The following PTPN3 variants were observed in gnomAD, a reference collection of about 807,000 sequenced individuals.
PTPN3 encodes tyrosine-protein phosphatase non-receptor type 3.
Under a neutral mutation model 132.7 loss-of-function variants are expected in PTPN3, and 96 were observed. That is an observed-to-expected ratio of 0.72 (90% CI 0.61 to 0.86). PTPN3 has a LOEUF of 0.86. Among genes scored for constraint, PTPN3 ranks in the 40% least tolerant of loss-of-function variants. The pLI is 0.00. For missense variants in PTPN3, 1,125 were observed against 1,159.6 expected, an observed-to-expected ratio of 0.97 and a Z score of 0.43; for synonymous variants, 398 against 429.0, an observed-to-expected ratio of 0.93 and a Z score of 0.89.
At chr9:109,407,684 A>C (rs968839401) in intron 17 of PTPN3, among the ~76,000 whole-genome samples, 3 of 152,090 alleles carry the variant, frequency 2.0e-5, no homozygotes, top group African/African-American at 7.2e-5. Context: ...AGCTGGGATC[A>C]CACCTGTGTG....
the PTPN3 span, among the ~76,000 whole-genome samples, chr9:109,514,604 A>T: frequency 2.0e-5 from 3 of 152,234 alleles, no homozygotes; most frequent in Non-Finnish European, 4.4e-5. Flanking sequence ...TGCTTCTAAG[A>T]TGACCAGGTA....
rs1385949319 is a variant in PTPN3 at position 109,383,566 on chromosome 9, C to T, written c.2254-15G>A. ...TGACATTTGGTCTGTAAGAAACCACCGAGAGTGAGTGAGCCCCGTCTGTGG... is the reference window on the plus strand; with the variant it reads ...TGACATTTGGTCTGTAAGAAACCACTGAGAGTGAGTGAGCCCCGTCTGTGG... On this transcript the variant is annotated splice_polypyrimidine_tract_variant and intron_variant, in intron 22 of 25. Coordinates refer to ENST00000374541, the MANE Select transcript of PTPN3 (RefSeq NM_002829.4). 1.7e-5 allele frequency: 28 copies of T among 1,612,272 alleles called. No individual in the cohort carries two copies. Among genetic ancestry groups the T allele is most frequent in the Admixed American group, 6.7e-5 (4 of 59,866 alleles).
chr9:109,523,431 C>T, the PTPN3 span, among the ~76,000 whole-genome samples: 1 of 152,138 alleles, frequency 6.6e-6, no homozygotes, highest in Non-Finnish European at 1.5e-5. Context: ...TTTTTTTAAA[C>T]AGTCAGATTA....
At chr9:109,387,067 G>C (rs1419444069) in intron 22 of PTPN3, among the ~76,000 whole-genome samples, 1 of 152,190 alleles carries the variant, frequency 6.6e-6, no homozygotes, top group East Asian at 1.9e-4. Flanking sequence ...CGGGTGACTG[G>C]GCAGATGGGT....
At chr9:109,421,475 A>G (rs917242848) in intron 13 of PTPN3, among the ~76,000 whole-genome samples, 24 of 152,346 alleles carry the variant, frequency 1.6e-4, no homozygotes, top group African/African-American at 5.8e-4. Flanking sequence ...AGCAGAAGTA[A>G]AAAGGCTCTT....
intron 18 of PTPN3, among the ~76,000 whole-genome samples, chr9:109,405,746 T>G (rs1386909310): frequency 6.6e-6 from 1 of 152,226 alleles, no homozygotes; most frequent in East Asian, 1.9e-4. Flanking sequence ...CATGGCACCA[T>G]GCCTGGCTAT....
intron 22 of PTPN3, among the ~76,000 whole-genome samples, chr9:109,386,159 G>A (rs1377808872): frequency 2.0e-5 from 3 of 152,188 alleles, no homozygotes; most frequent in Non-Finnish European, 4.4e-5. Context: ...AGATGAGATA[G>A]GAACTTAGGG....
intron 19 of PTPN3, among the ~76,000 whole-genome samples, chr9:109,398,219 GC>G (rs142177990): frequency 0.014 from 2,057 of 152,304 alleles, 30 homozygotes; most frequent in African/African-American, 0.046. Context: ...GGAGGCAGAG[GC>G]TGCAGTGAGC....
Position 109,422,787 on chromosome 9 carries a change from C to T in PTPN3, c.1067G>A (p.Arg356Lys). The T allele has an allele frequency of 6.2e-7, 1 of 1,611,508 alleles. No homozygotes were observed. The highest frequency in any genetic ancestry group is 8.5e-7 in the Non-Finnish European group (1 of 1,177,816). Residue 356 changes from arginine to lysine, a missense_variant, in exon 13 of 26, where the codon AGA (arginine) becomes AAA (lysine). Transcript: ENST00000374541. Reference sequence around the variant, plus strand: ...TTCTAAGTGCTCCACTGATAAGGATCTCCGCATGGCTGGGTTCCACACCAT... The same window carrying T: ...TTCTAAGTGCTCCACTGATAAGGATTTCCGCATGGCTGGGTTCCACACCAT... ...GGMVWNPAMR[R>K]SLSVEHLETK...
chr9:109,425,190 GAT>G (rs1456522263), intron 12 of PTPN3, among the ~76,000 whole-genome samples: 2 of 152,216 alleles, frequency 1.3e-5, no homozygotes, highest in African/African-American at 4.8e-5. Context: ...GAAGCTGAGA[GAT>G]AGCATTTAGC....
intron 2 of PTPN3, among the ~76,000 whole-genome samples, chr9:109,462,030 C>T (rs1845866661): frequency 6.6e-6 from 1 of 152,206 alleles, no homozygotes; most frequent in Non-Finnish European, 1.5e-5. Context: ...CTTGTTACAA[C>T]AATGTTTCCC....
intron 18 of PTPN3, among the ~76,000 whole-genome samples, chr9:109,406,109 TAAG>T (rs1841540661): frequency 2.6e-5 from 4 of 152,138 alleles, no homozygotes; most frequent in Non-Finnish European, 5.9e-5. Flanking sequence ...CCAGATCCTT[TAAG>T]AAGGGGCTGA....
intron 14 of PTPN3, among the ~76,000 whole-genome samples, chr9:109,417,100 G>A (rs1261159555): frequency 6.6e-6 from 1 of 152,224 alleles, no homozygotes; most frequent in Non-Finnish European, 1.5e-5. Context: ...TTCGGAAGCA[G>A]GGAAAGGAAC....
intron 14 of PTPN3, chr9:109,417,867 A>C: frequency 1.3e-5 from 11 of 843,510 alleles, no homozygotes; most frequent in Non-Finnish European, 1.6e-5. Flanking sequence ...AAAGAGCCCC[A>C]AGATGACACA....
intron 19 of PTPN3, among the ~76,000 whole-genome samples, chr9:109,402,477 C>A (rs1202134946): frequency 6.6e-6 from 1 of 151,902 alleles, no homozygotes; most frequent in Non-Finnish European, 1.5e-5. Context: ...CAGGGTTTCA[C>A]CATGTTGGCC....
chr9:109,523,128 T>G, the PTPN3 span, among the ~76,000 whole-genome samples: 3 of 151,940 alleles, frequency 2.0e-5, no homozygotes, highest in Non-Finnish European at 4.4e-5. Flanking sequence ...TTTTTTTTTT[T>G]TTTAATGAGA....
intron 18 of PTPN3, among the ~76,000 whole-genome samples, chr9:109,404,813 A>G (rs1363943085): frequency 6.6e-6 from 1 of 152,238 alleles, no homozygotes; most frequent in Non-Finnish European, 1.5e-5. Flanking sequence ...AAAATGACAT[A>G]CTAATCTTCC....
At chr9:109,520,158 C>CAA in the PTPN3 span, among the ~76,000 whole-genome samples, 2,148 of 125,426 alleles carry the variant, frequency 0.017, 53 homozygotes, top group African/African-American at 0.047. Flanking sequence ...GAGTCTGTCT[C>CAA]AAAAAAAAAA....
intron 25 of PTPN3, among the ~76,000 whole-genome samples, chr9:109,380,933 C>T (rs1839022423): frequency 6.6e-6 from 1 of 152,120 alleles, no homozygotes; most frequent in East Asian, 1.9e-4. Context: ...CAGCCCTGAA[C>T]TTCCCTCACC....
Sources: gnomAD v4.1 joint callset for allele counts (sites outside exome capture counted in the v4.1 genomes callset) on GRCh38, gnomAD v4.1.1 for gene constraint, MANE v1.5 for transcripts, NCBI Gene and HGNC (gene_info 2026-07-23, HGNC 2026-07-21) for gene names.